Variants in PDE8B observed in about 807,000 individuals in gnomAD.
The protein encoded by PDE8B is high affinity cAMP-specific and IBMX-insensitive 3',5'-cyclic phosphodiesterase 8B.
PDE8B carries 26 observed loss-of-function variants against 101.3 expected under a neutral mutation model. That is an observed-to-expected ratio of 0.26 (90% CI 0.19 to 0.36). The LOEUF is 0.36. Among genes scored for constraint, PDE8B ranks in the 10% least tolerant of loss-of-function variants. The pLI is 1.00. For missense variants in PDE8B, 810 were observed against 1,163.1 expected (o/e 0.70, Z 4.42); for synonymous variants, 424 against 429.3 (o/e 0.99, Z 0.15).
At chr5:77,171,297 G>A in the PDE8B span, among the ~76,000 whole-genome samples, 1 of 152,194 alleles carries the variant, frequency 6.6e-6, no homozygotes, top group South Asian at 2.1e-4. Context: ...TTAGGGGTAT[G>A]ACTTGGGGAA....
intron 17 of PDE8B, 26 bp from the exon 18 acceptor site, chr5:77,418,203 C>T: frequency 6.8e-7 from 1 of 1,474,660 alleles, no homozygotes; most frequent in South Asian, 1.1e-5. Flanking sequence ...GTGGGTAATG[C>T]TCAACCTTGC....
At chr5:77,194,474 G>A in the PDE8B span, among the ~76,000 whole-genome samples, 1 of 152,042 alleles carries the variant, frequency 6.6e-6, no homozygotes, top group Non-Finnish European at 1.5e-5. Context: ...CAATTTTAAA[G>A]TGTACAATTA....
chr5:77,416,799 C>T (rs138421930), intron 17 of PDE8B, among the ~76,000 whole-genome samples: 2 of 152,312 alleles, frequency 1.3e-5, no homozygotes, highest in African/African-American at 4.8e-5. Flanking sequence ...TGAGTAGCAG[C>T]TCTTCCTCCT....
chr5:77,180,127 C>T, the PDE8B span, among the ~76,000 whole-genome samples: 8 of 152,284 alleles, frequency 5.3e-5, no homozygotes, highest in Admixed American at 3.9e-4. Flanking sequence ...CCAGGTTTGG[C>T]AGCTCCAGCG....
At chr5:77,371,582 CTA>C (rs1159269114) in intron 10 of PDE8B, among the ~76,000 whole-genome samples, 1 of 152,060 alleles carries the variant, frequency 6.6e-6, no homozygotes, top group Non-Finnish European at 1.5e-5. Flanking sequence ...CTTTCAATTT[CTA>C]TATAAATTTT....
At chr5:77,313,606 C>T (rs957281493) in intron 2 of PDE8B, among the ~76,000 whole-genome samples, 4 of 152,150 alleles carry the variant, frequency 2.6e-5, no homozygotes, top group African/African-American at 4.8e-5. Flanking sequence ...AATTAATGCT[C>T]ATAAGGATGT....
intron 1 of PDE8B, among the ~76,000 whole-genome samples, chr5:77,306,460 T>C (rs1450110822): frequency 2.0e-5 from 3 of 152,198 alleles, no homozygotes; most frequent in Non-Finnish European, 2.9e-5. Flanking sequence ...ATCAGTGCTA[T>C]GAATACAGGA....
At chr5:77,175,840 T>C in the PDE8B span, among the ~76,000 whole-genome samples, 1 of 152,252 alleles carries the variant, frequency 6.6e-6, no homozygotes, top group South Asian at 2.1e-4. Flanking sequence ...TGCATGTATA[T>C]AAATGTGTGT....
chr5:77,194,946 G>T, the PDE8B span, among the ~76,000 whole-genome samples: 40 of 152,068 alleles, frequency 2.6e-4, no homozygotes, highest in African/African-American at 8.5e-4. Flanking sequence ...AGTTCTTTGG[G>T]GTATAAGCCT....
chr5:77,346,960 G>A (rs1448778565), intron 7 of PDE8B, among the ~76,000 whole-genome samples: 1 of 150,538 alleles, frequency 6.6e-6, no homozygotes, highest in Non-Finnish European at 1.5e-5. Context: ...CAATCAAATA[G>A]TTAGATGCCT....
chr5:77,309,782 G>T (rs1278323875), intron 1 of PDE8B, among the ~76,000 whole-genome samples: 1 of 151,454 alleles, frequency 6.6e-6, no homozygotes, highest in Non-Finnish European at 1.5e-5. Flanking sequence ...ACCATGCCTG[G>T]CTAATTTTTG....
At chr5:77,135,522 G>C in the PDE8B span, among the ~76,000 whole-genome samples, 4 of 148,956 alleles carry the variant, frequency 2.7e-5, no homozygotes, top group African/African-American at 1.0e-4. Context: ...TGTGGCCCAG[G>C]CTGGAGTGCA....
At chr5:77,387,092 C>T in intron 10 of PDE8B, among the ~76,000 whole-genome samples, 1 of 151,370 alleles carries the variant, frequency 6.6e-6, no homozygotes. Context: ...ACCTTGTTAG[C>T]CAGGATGGTC....
chr5:77,426,314 G>C, intron 21 of PDE8B, 131 bp from the exon 22 acceptor site: 2 of 712,396 alleles, frequency 2.8e-6, no homozygotes, highest in Non-Finnish European at 5.2e-6. Flanking sequence ...TTAATGACTT[G>C]TCCTCATGCT....
At chr5:77,382,576 T>C (rs1203848890) in intron 10 of PDE8B, among the ~76,000 whole-genome samples, 2 of 145,608 alleles carry the variant, frequency 1.4e-5, no homozygotes, top group African/African-American at 2.5e-5. Flanking sequence ...GTCCCTCCCC[T>C]AACCCCCACC....
intron 20 of PDE8B, among the ~76,000 whole-genome samples, chr5:77,423,398 A>AT (rs1184714080): frequency 6.6e-6 from 1 of 152,142 alleles, no homozygotes; most frequent in Non-Finnish European, 1.5e-5. Context: ...GGCTGGGTTG[A>AT]ATAGCAATTT....
intron 10 of PDE8B, among the ~76,000 whole-genome samples, chr5:77,359,361 C>T (rs1782697461): frequency 6.6e-6 from 1 of 152,250 alleles, no homozygotes; most frequent in African/African-American, 2.4e-5. Flanking sequence ...GGCATGTGCA[C>T]CTACCCTGAG....
rs144243513 is a variant in PDE8B at position 77,268,040 on chromosome 5, A to G, written c.340-43954A>G. Among the ~76,000 whole-genome samples the G allele has an allele frequency of 2.3e-3, 342 of 151,832 alleles. 2 individuals are homozygous for G. Among genetic ancestry groups the G allele is most frequent in the African/African-American group, 7.9e-3 (329 of 41,456 alleles). ...TGATTATCTTCATTTAACAGGTTAA[A>G]AAAAAAAAAGAAAACCAAACCTGAT... On this transcript the variant is annotated intron_variant, in intron 1 of 21. Coordinates refer to ENST00000264917, the MANE Select transcript of PDE8B (RefSeq NM_003719.5).
At chr5:77,093,255 C>T in the PDE8B span, among the ~76,000 whole-genome samples, 1 of 152,088 alleles carries the variant, frequency 6.6e-6, no homozygotes, top group Non-Finnish European at 1.5e-5. Context: ...AATTCAATGT[C>T]TTCATTTATT....
Sources: allele counts gnomAD v4.1 joint callset (sites outside exome capture counted in the v4.1 genomes callset), GRCh38; gene constraint gnomAD v4.1.1; transcripts MANE v1.5; gene names NCBI Gene and HGNC (gene_info 2026-07-23, HGNC 2026-07-21).